The following PSD3 variants were observed in gnomAD, a reference collection of about 807,000 sequenced individuals.
PSD3 encodes pleckstrin and Sec7 domain containing 3.
PSD3 carries 49 observed loss-of-function variants against 105.5 expected under a neutral mutation model. That is an observed-to-expected ratio of 0.46 (90% CI 0.37 to 0.59). The LOEUF is 0.59. PSD3 is among the 20% of genes least tolerant of loss of function. The pLI, the probability that PSD3 is intolerant of heterozygous loss-of-function variation, is 0.00. For missense variants in PSD3, 1,561 were observed against 1,263.8 expected (o/e 1.24, Z -3.57); for synonymous variants, 557 against 457.8 (o/e 1.22, Z -2.77).
chr8:18,561,974 A>G (rs1801418612), intron 14 of PSD3, among the ~76,000 whole-genome samples: 1 of 152,214 alleles, frequency 6.6e-6, no homozygotes, highest in Admixed American at 6.5e-5. Context: ...TTTACATAGT[A>G]CTTATCATGG....
chr8:18,778,334 T>G (rs556447109), intron 8 of PSD3, among the ~76,000 whole-genome samples: 152 of 152,340 alleles, frequency 1.0e-3, no homozygotes, highest in Middle Eastern at 3.4e-3. Context: ...GAAACTTTAC[T>G]GAGTTCATCT....
chr8:18,638,340 A>C (rs1204971991), intron 10 of PSD3, among the ~76,000 whole-genome samples: 1 of 145,686 alleles, frequency 6.9e-6, no homozygotes, highest in African/African-American at 2.6e-5. Flanking sequence ...AAAAAAAAAA[A>C]GGAAGTGACT....
intron 15 of PSD3, among the ~76,000 whole-genome samples, chr8:18,544,938 A>G (rs1397384873): frequency 6.6e-6 from 1 of 152,146 alleles, no homozygotes; most frequent in Non-Finnish European, 1.5e-5. Context: ...AGGCCCTGCT[A>G]TTCCTTTCCT....
chr8:18,844,523 T>C (rs1381763331), intron 4 of PSD3, among the ~76,000 whole-genome samples: 2 of 152,152 alleles, frequency 1.3e-5, no homozygotes, highest in Admixed American at 1.3e-4. Context: ...TTATAGCTCT[T>C]ATTGTTCTCT....
At position 18,677,250 on chromosome 8, in the gene PSD3, C is replaced by A. The variant is rs7835374; in HGVS notation, c.2173-21565G>T. Among the ~76,000 whole-genome samples the A allele has an allele frequency of 3.0e-3, 458 of 152,250 alleles. 2 individuals are homozygous for A. Among genetic ancestry groups the A allele is most frequent in the African/African-American group, 0.01 (427 of 41,556 alleles). ...TAGCTCTAACAAACCAACCCAGTAACAAAAACCATTGTCACTTTGCTAGGT... is the reference window on the plus strand; with the variant it reads ...TAGCTCTAACAAACCAACCCAGTAAAAAAAACCATTGTCACTTTGCTAGGT... On this transcript the variant is annotated intron_variant, in intron 9 of 15. Coordinates refer to ENST00000327040, the MANE Select transcript of PSD3 (RefSeq NM_015310.4).
At chr8:18,919,271 T>TAA in intron 2 of PSD3, among the ~76,000 whole-genome samples, 1 of 152,146 alleles carries the variant, frequency 6.6e-6, no homozygotes, top group Non-Finnish European at 1.5e-5. Flanking sequence ...GGAAGGAGTT[T>TAA]CGTATCTCTG....
intron 1 of PSD3, among the ~76,000 whole-genome samples, chr8:18,976,649 G>C (rs889623141): frequency 6.6e-6 from 1 of 151,810 alleles, no homozygotes; most frequent in Non-Finnish European, 1.5e-5. Context: ...CTACCTCATA[G>C]GGATATTTTG....
At chr8:18,673,201 T>G (rs62495773) in intron 9 of PSD3, among the ~76,000 whole-genome samples, 1 of 148,298 alleles carries the variant, frequency 6.7e-6, no homozygotes, top group Non-Finnish European at 1.5e-5. Context: ...CACACACCCA[T>G]CCACACACAC....
intron 1 of PSD3, among the ~76,000 whole-genome samples, chr8:19,003,850 G>C (rs1043577667): frequency 1.4e-4 from 22 of 151,924 alleles, no homozygotes; most frequent in African/African-American, 4.6e-4. Flanking sequence ...TCCCTGGCGA[G>C]GGATGTTTGT....
intron 4 of PSD3, among the ~76,000 whole-genome samples, chr8:18,843,232 G>T (rs1488626458): frequency 6.6e-6 from 1 of 151,754 alleles, no homozygotes; most frequent in Non-Finnish European, 1.5e-5. Flanking sequence ...GCGGTGGCAG[G>T]CGCCTGTAGT....
At chr8:18,731,931 G>T (rs112466950) in intron 9 of PSD3, among the ~76,000 whole-genome samples, 1 of 152,122 alleles carries the variant, frequency 6.6e-6, no homozygotes, top group Non-Finnish European at 1.5e-5. Context: ...GCTATTTGAG[G>T]AGTCTGAGAG....
At chr8:18,688,941 T>A (rs1800813234) in intron 9 of PSD3, among the ~76,000 whole-genome samples, 1 of 152,134 alleles carries the variant, frequency 6.6e-6, no homozygotes, top group Non-Finnish European at 1.5e-5. Context: ...GAAGGTGACT[T>A]CCATAACAAA....
intron 9 of PSD3, among the ~76,000 whole-genome samples, chr8:18,755,807 T>G (rs1213970522): frequency 6.6e-6 from 1 of 151,982 alleles, no homozygotes; most frequent in Non-Finnish European, 1.5e-5. Flanking sequence ...GATCTTCAGT[T>G]ACTTCAAATA....
chr8:18,679,695 A>C (rs566842469), intron 9 of PSD3, among the ~76,000 whole-genome samples: 1 of 152,320 alleles, frequency 6.6e-6, no homozygotes, highest in African/African-American at 2.4e-5. Flanking sequence ...TGCTACTTAG[A>C]AAGCAAAACC....
At position 18,537,576 on chromosome 8, in the gene PSD3, G is replaced by A. The variant is rs145980234; in HGVS notation, c.2929-1618C>T. The stretch of plus-strand genomic sequence containing the variant: ...GTTGGGCCATGTGATATTGTGACCA[G>A]TAAGACGTAAGGAAGAGTCTTTTGG... On this transcript the variant is annotated intron_variant, in intron 15 of 15. Transcript: ENST00000327040. 7.7e-3 allele frequency among the ~76,000 whole-genome samples: 1,167 copies of A among 152,308 alleles called. 12 individuals carry two copies. The highest frequency in any genetic ancestry group is 0.017 in the Middle Eastern group (5 of 294).
intron 1 of PSD3, among the ~76,000 whole-genome samples, chr8:18,980,564 C>A (rs1825199456): frequency 6.6e-6 from 1 of 152,116 alleles, no homozygotes; most frequent in Non-Finnish European, 1.5e-5. Flanking sequence ...TTAGGGTTTA[C>A]ATCTACCATC....
At chr8:18,782,223 C>T (rs1808704152) in intron 8 of PSD3, among the ~76,000 whole-genome samples, 1 of 151,998 alleles carries the variant, frequency 6.6e-6, no homozygotes, top group Non-Finnish European at 1.5e-5. Context: ...TTGATGGTTT[C>T]ATGCTTCCTT....
At chr8:18,734,873 C>T (rs1339361897) in intron 9 of PSD3, among the ~76,000 whole-genome samples, 1 of 152,200 alleles carries the variant, frequency 6.6e-6, no homozygotes, top group Non-Finnish European at 1.5e-5. Flanking sequence ...TTCCAGAGAA[C>T]AGCAATACCA....
chr8:19,028,624 T>A (rs574240683), intron 1 of PSD3, among the ~76,000 whole-genome samples: 1 of 152,306 alleles, frequency 6.6e-6, no homozygotes, highest in Non-Finnish European at 1.5e-5. Flanking sequence ...GTAAATGTTT[T>A]CTCCCTGGCT....
Sources: gnomAD v4.1 joint callset for allele counts (sites outside exome capture counted in the v4.1 genomes callset) on GRCh38, gnomAD v4.1.1 for gene constraint, MANE v1.5 for transcripts, NCBI Gene and HGNC (gene_info 2026-07-23, HGNC 2026-07-21) for gene names.